Variants in ZNF232 observed in about 807,000 individuals in gnomAD.
ZNF232 encodes the protein zinc finger protein 232, also known as zinc finger and SCAN domain-containing protein 11.
In ZNF232, 25 loss-of-function variants were observed where a neutral mutation model predicts 25.2. The ratio of observed to expected loss-of-function variants is 0.99; its 90% CI spans 0.72 to 1.39. The LOEUF (loss-of-function observed/expected upper bound fraction) is 1.39. Among genes scored for constraint, ZNF232 ranks in the 40% most tolerant of loss-of-function variants. The pLI, the probability that ZNF232 is intolerant of heterozygous loss-of-function variation, is 0.00. For missense variants in ZNF232, 519 were observed against 520.9 expected (o/e 1.00, Z 0.04); for synonymous variants, 193 against 182.9 (o/e 1.06, Z -0.45).
upstream of ZNF232, among the ~76,000 whole-genome samples, chr17:5,115,529 C>T (rs1396213975): frequency 6.9e-6 from 1 of 144,760 alleles, no homozygotes; most frequent in Non-Finnish European, 1.5e-5. Flanking sequence ...CCGGCTTGGG[C>T]AACAGAGCAA....
chr17:5,116,795 A>G (rs1333715169), upstream of ZNF232: 2 of 152,382 alleles, frequency 1.3e-5, no homozygotes, highest in East Asian at 3.9e-4. Context: ...TGTATAAAAC[A>G]GGGTTAACAG....
At chr17:5,115,050 G>A (rs944725735), upstream of ZNF232, 3 of 152,172 alleles carry the variant, frequency 2.0e-5, no homozygotes, top group Admixed American at 6.5e-5. Flanking sequence ...CTAAGACAGA[G>A]GAAAACTGGG....
chr17:5,115,076 G>A (rs1390114541), upstream of ZNF232: 3 of 152,090 alleles, frequency 2.0e-5, no homozygotes, highest in Admixed American at 6.5e-5. Flanking sequence ...ATGTGACGGC[G>A]GGGACTTTAG....
chr17:5,105,877 A>G (rs1485267544), exon 4 of ZNF232: 3 of 1,613,636 alleles, frequency 1.9e-6, no homozygotes, highest in Non-Finnish European at 2.5e-6. Context: ...ATGAGCTCTG[A>G]GCACCATCCA....
chr17:5,108,812 G>C (rs992485424), intron 3 of ZNF232, 114 bp downstream of exon 3: 1 of 1,508,622 alleles, frequency 6.6e-7, no homozygotes, highest in African/African-American at 1.4e-5. Context: ...GTAAGGCTGT[G>C]ATGATACCAA....
intron 1 of ZNF232, among the ~76,000 whole-genome samples, chr17:5,119,766 CACT>C (rs2072609882): frequency 6.6e-6 from 1 of 152,270 alleles, no homozygotes; most frequent in African/African-American, 2.4e-5. Flanking sequence ...TTCTGCCCAG[CACT>C]ACAAGTGACT....
intron 1 of ZNF232, among the ~76,000 whole-genome samples, chr17:5,122,695 C>T (rs2072725817): frequency 6.6e-6 from 1 of 152,164 alleles, no homozygotes; most frequent in Non-Finnish European, 1.5e-5. Context: ...AGCAGCTGCC[C>T]GCGCCTAAGC....
chr17:5,122,309 G>T (rs1410722363), intron 1 of ZNF232, among the ~76,000 whole-genome samples: 1 of 152,114 alleles, frequency 6.6e-6, no homozygotes, highest in South Asian at 2.1e-4. Flanking sequence ...TGGATTTCTG[G>T]TTCCGATGAC....
rs59282298 is a variant in ZNF232 at position 5,117,515 on chromosome 17, C to CAA, written c.-529-5166_-529-5165dup. 2.5e-3 allele frequency among the ~76,000 whole-genome samples: 153 copies of CAA among 61,940 alleles called. 1 individual carries two copies. The highest frequency in any genetic ancestry group is 7.1e-3 in the African/African-American group (132 of 18,472). 40.6% of individuals were successfully genotyped at this position (61,940 alleles called of 152,430 possible). ...TGGGCGACAGAGCGAGACTCCGTCT[C>CAA]AAAAAAAAAAAAAAAAAGCTCAATA... On this transcript the variant is annotated intron_variant, in intron 1 of 4. Transcript: ENST00000250076.
At chr17:5,123,017 T>G (rs1299851002) in exon 1 of ZNF232, 5 of 153,304 alleles carry the variant, frequency 3.3e-5, no homozygotes, top group Non-Finnish European at 7.3e-5. Flanking sequence ...CGGCTCGTCT[T>G]CTGGCAGCTT....
rs552007959 is a variant in ZNF232, at chr17:5,122,122, C to T, written c.-530+855G>A. ...AGCAGGGAGTGTGGCCAGAGAAGTC[C>T]TGCGGGGTGGAGGGTGGGTCGGTGG... is the stretch of plus-strand genomic sequence containing the variant. On this transcript the variant is annotated intron_variant, in intron 1 of 4. Coordinates refer to the ZNF232 transcript ENST00000250076. Among the ~76,000 whole-genome samples the T allele has an allele frequency of 3.6e-3, 529 of 145,580 alleles. 1 individual carries two copies. The highest frequency in any genetic ancestry group is 5.8e-3 in the Non-Finnish European group (388 of 66,868).
At chr17:5,105,799 G>C (rs1480108250) in exon 4 of ZNF232, 28 of 1,537,146 alleles carry the variant, frequency 1.8e-5, no homozygotes, top group Non-Finnish European at 2.4e-5. Context: ...GTAGAATTCT[G>C]TCTGGAGACG....
chr17:5,115,423 C>T (rs1023887621), upstream of ZNF232, among the ~76,000 whole-genome samples: 3 of 151,794 alleles, frequency 2.0e-5, no homozygotes, highest in African/African-American at 7.3e-5. Context: ...TGGTGGGGGG[C>T]GCCTGTAATC....
chr17:5,115,651 G>A (rs370116399), upstream of ZNF232, among the ~76,000 whole-genome samples: 3 of 151,966 alleles, frequency 2.0e-5, no homozygotes, highest in Non-Finnish European at 4.4e-5. Context: ...AACTCAAGAA[G>A]CCACCACCCT....
At chr17:5,109,669 G>C in exon 2 of ZNF232, 1 of 1,614,198 alleles carries the variant, frequency 6.2e-7, no homozygotes, top group Non-Finnish European at 8.5e-7. Context: ...AAGATCTCTT[G>C]ACTGGTAGAG....
intron 1 of ZNF232, among the ~76,000 whole-genome samples, chr17:5,117,069 T>C (rs2072554567): frequency 6.6e-6 from 1 of 152,238 alleles, no homozygotes; most frequent in Admixed American, 6.5e-5. Context: ...CTCCCCACTG[T>C]AGTATCATAT....
intron 1 of ZNF232, among the ~76,000 whole-genome samples, chr17:5,118,536 A>G (rs1345836229): frequency 6.6e-6 from 1 of 152,196 alleles, no homozygotes; most frequent in Non-Finnish European, 1.5e-5. Context: ...GAGGATGGGT[A>G]TGTGTTAACA....
At chr17:5,108,904 C>A in intron 3 of ZNF232, 22 bp downstream of exon 3, 4 of 1,613,778 alleles carry the variant, frequency 2.5e-6, no homozygotes, top group Non-Finnish European at 2.5e-6. Flanking sequence ...CCTCTCCCTC[C>A]CCACAGAATC....
rs2072326143 is a variant in ZNF232, at chr17:5,108,909, A to G, written c.625+17T>C. On this transcript the variant is annotated intron_variant, in intron 3 of 3. Coordinates refer to ENST00000575898, the Ensembl canonical transcript of ZNF232. Reference sequence around the variant, plus strand: ...CCCTCTTTCTCCTCTCCCTCCCCACAGAATCCTGCTCCTCACCACTCTTTG... The same window carrying G: ...CCCTCTTTCTCCTCTCCCTCCCCACGGAATCCTGCTCCTCACCACTCTTTG... 3 of 1,613,776 alleles carry G rather than the reference A, an allele frequency of 1.9e-6. No homozygotes were observed. Among genetic ancestry groups the G allele is most frequent in the Non-Finnish European group, 2.5e-6 (3 of 1,179,830 alleles).
Sources: allele counts gnomAD v4.1 joint callset (sites outside exome capture counted in the v4.1 genomes callset), GRCh38; gene constraint gnomAD v4.1.1; transcripts MANE v1.5; gene names NCBI Gene and HGNC (gene_info 2026-07-23, HGNC 2026-07-21).